The following PCDH9 variants were observed in gnomAD, a reference collection of about 807,000 sequenced individuals.
The protein encoded by PCDH9 is protocadherin 9.
Under a neutral mutation model 70.6 loss-of-function variants are expected in PCDH9, and 24 were observed. That is an observed-to-expected ratio of 0.34 (90% CI 0.25 to 0.48). The LOEUF is 0.48. Ranked by LOEUF, PCDH9 falls within the 20% of genes least tolerant of loss-of-function variation. The pLI is 0.99. For missense variants in PCDH9, 1,281 were observed against 1,503.6 expected (o/e 0.85, Z 2.45); for synonymous variants, 562 against 558.5 (o/e 1.01, Z -0.09).
intron 2 of PCDH9, 24 bp from the exon 3 acceptor site, chr13:66,903,629 G>A: frequency 1.0e-6 from 1 of 975,054 alleles, no homozygotes; most frequent in Non-Finnish European, 1.6e-6. Context: ...CCAAATAATT[G>A]TGACAAACTA....
At chr13:66,695,179 A>G (rs897613544) in intron 3 of PCDH9, among the ~76,000 whole-genome samples, 2 of 152,222 alleles carry the variant, frequency 1.3e-5, no homozygotes, top group Non-Finnish European at 2.9e-5. Context: ...CTGGGATTAC[A>G]GGCGTGAGCC....
chr13:66,445,186 C>G (rs1958050213), intron 4 of PCDH9, among the ~76,000 whole-genome samples: 1 of 145,630 alleles, frequency 6.9e-6, no homozygotes, highest in Non-Finnish European at 1.5e-5. Flanking sequence ...TATATAAAAT[C>G]ACCATGTAGT....
At chr13:66,659,844 C>A (rs1377314036) in intron 3 of PCDH9, among the ~76,000 whole-genome samples, 3 of 151,848 alleles carry the variant, frequency 2.0e-5, no homozygotes, top group Non-Finnish European at 2.9e-5. Flanking sequence ...CTAGGACTAG[C>A]GCATGTACAA....
chr13:66,596,861 G>A (rs2077110179), intron 4 of PCDH9, among the ~76,000 whole-genome samples: 4 of 146,522 alleles, frequency 2.7e-5, no homozygotes, highest in Non-Finnish European at 6.0e-5. Context: ...TTGTGCTGTA[G>A]CAGAACATGG....
At chr13:66,774,456 T>A (rs902283628) in intron 3 of PCDH9, among the ~76,000 whole-genome samples, 2 of 77,024 alleles carry the variant, frequency 2.6e-5, no homozygotes, top group Non-Finnish European at 5.4e-5. Flanking sequence ...CTACTAGATT[T>A]TTTTTTTAAC....
intron 4 of PCDH9, among the ~76,000 whole-genome samples, chr13:66,604,019 T>C (rs2077192817): frequency 6.6e-6 from 1 of 152,030 alleles, no homozygotes; most frequent in Non-Finnish European, 1.5e-5. Flanking sequence ...TTGACTTCTC[T>C]TTATACAAGT....
In PCDH9 at chr13:66,306,538, TA is replaced by T. The variant is rs368045670; in HGVS notation, c.3341-1511del. 9.2e-3 allele frequency among the ~76,000 whole-genome samples: 1,398 copies of T among 151,318 alleles called. 25 individuals carry two copies. The highest frequency in any genetic ancestry group is 0.032 in the African/African-American group (1,312 of 41,266). On this transcript the variant is annotated intron_variant, in intron 4 of 4. Transcript: ENST00000377865. ...ACTTGTACCCCAAAAACTATTGATA[TA>T]AAAAAATTGTTTAAAAACAGAACAG...
intron 2 of PCDH9, among the ~76,000 whole-genome samples, chr13:66,944,856 T>TGTGTGA (rs1491182184): frequency 1.3e-5 from 2 of 151,078 alleles, no homozygotes; most frequent in South Asian, 2.1e-4. Flanking sequence ...TGTGTGTGTG[T>TGTGTGA]GATTTAACTG....
At chr13:66,577,744 T>A (rs190973641) in intron 4 of PCDH9, among the ~76,000 whole-genome samples, 35 of 152,148 alleles carry the variant, frequency 2.3e-4, no homozygotes, top group Non-Finnish European at 3.7e-4. Context: ...GAGCCTTAGT[T>A]ATTGGTTAAA....
At chr13:67,084,267 C>G (rs1260091210) in intron 2 of PCDH9, among the ~76,000 whole-genome samples, 2 of 152,122 alleles carry the variant, frequency 1.3e-5, no homozygotes, top group African/African-American at 4.8e-5. Context: ...TAAGGGAGAA[C>G]TGGGGACTGA....
At chr13:67,082,380 A>G (rs760558076) in intron 2 of PCDH9, among the ~76,000 whole-genome samples, 1 of 152,176 alleles carries the variant, frequency 6.6e-6, no homozygotes, top group Non-Finnish European at 1.5e-5. Context: ...CATTTAGCAT[A>G]ATGTCTTCCA....
At chr13:66,713,194 T>G in intron 3 of PCDH9, among the ~76,000 whole-genome samples, 1 of 152,128 alleles carries the variant, frequency 6.6e-6, no homozygotes, top group East Asian at 1.9e-4. Flanking sequence ...GTACAGACAT[T>G]AAAGACAGTG....
At chr13:67,133,971 A>G (rs1046279258) in intron 2 of PCDH9, among the ~76,000 whole-genome samples, 2 of 152,114 alleles carry the variant, frequency 1.3e-5, no homozygotes, top group Non-Finnish European at 2.9e-5. Flanking sequence ...CTGAAAGTTT[A>G]TTAAAACAGG....
intron 4 of PCDH9, among the ~76,000 whole-genome samples, chr13:66,375,905 C>A (rs1593878892): frequency 6.6e-6 from 1 of 151,846 alleles, no homozygotes; most frequent in South Asian, 2.1e-4. Flanking sequence ...AAAACAACAA[C>A]AAAAAAATAG....
At chr13:66,848,944 A>T (rs2081262492) in intron 3 of PCDH9, among the ~76,000 whole-genome samples, 1 of 151,718 alleles carries the variant, frequency 6.6e-6, no homozygotes, top group Middle Eastern at 3.4e-3. Context: ...AAAAAAAAAA[A>T]AAAAAAAATA....
At chr13:66,589,763 T>C (rs1348010299) in intron 4 of PCDH9, among the ~76,000 whole-genome samples, 2 of 152,060 alleles carry the variant, frequency 1.3e-5, no homozygotes, top group Non-Finnish European at 2.9e-5. Context: ...CTGTTTTATA[T>C]TCCAAATAAT....
chr13:67,201,672 G>A (rs1440107860), intron 2 of PCDH9: 1 of 151,876 alleles, frequency 6.6e-6, no homozygotes, highest in African/African-American at 2.4e-5. Context: ...AATCAAAATA[G>A]AAATATATTG....
intron 4 of PCDH9, among the ~76,000 whole-genome samples, chr13:66,319,689 C>T (rs185458485): frequency 3.3e-5 from 5 of 151,948 alleles, no homozygotes; most frequent in African/African-American, 9.7e-5. Flanking sequence ...ATGCCTAGAA[C>T]GTTGAAAGAG....
intron 3 of PCDH9, among the ~76,000 whole-genome samples, chr13:66,872,797 C>T (rs1166689041): frequency 6.6e-6 from 1 of 152,104 alleles, no homozygotes; most frequent in Non-Finnish European, 1.5e-5. Context: ...ATCTCCTCTA[C>T]TTCTCCCTCT....
Sources: allele counts gnomAD v4.1 joint callset (sites outside exome capture counted in the v4.1 genomes callset), GRCh38; gene constraint gnomAD v4.1.1; transcripts MANE v1.5; gene names NCBI Gene and HGNC (gene_info 2026-07-23, HGNC 2026-07-21).